Variants in TECRL observed in about 807,000 individuals in gnomAD.
TECRL encodes the protein trans-2,3-enoyl-CoA reductase like.
TECRL carries 63 observed loss-of-function variants against 52.8 expected under a neutral mutation model. That is an observed-to-expected ratio of 1.19 (90% CI 0.97 to 1.47). TECRL has a LOEUF of 1.47. Ranked by LOEUF, TECRL falls within the 40% of genes most tolerant of loss-of-function variation. TECRL has a pLI of 0.00. For missense variants in TECRL, 482 were observed against 429.6 expected (o/e 1.12, Z -1.08); for synonymous variants, 164 against 141.9 (o/e 1.16, Z -1.10).
chr4:64,350,079 G>A (rs1323279498), intron 2 of TECRL, among the ~76,000 whole-genome samples: 1 of 139,822 alleles, frequency 7.2e-6, no homozygotes, highest in Non-Finnish European at 1.6e-5. Flanking sequence ...ACATCTGTCT[G>A]TTGACAGAAG....
At chr4:64,309,674 AG>A (rs1266974350) in intron 6 of TECRL, 151 bp downstream of exon 6, 10 of 647,676 alleles carry the variant, frequency 1.5e-5, no homozygotes, top group Non-Finnish European at 2.2e-5. Flanking sequence ...TCACGCAAAA[AG>A]AATGACATTT....
At chr4:64,391,448 AG>A (rs775676535) in intron 1 of TECRL, among the ~76,000 whole-genome samples, 2 of 151,904 alleles carry the variant, frequency 1.3e-5, no homozygotes, top group Non-Finnish European at 2.9e-5. Flanking sequence ...TTAAATGACC[AG>A]AACTGAGTCC....
rs139955852 is a variant in TECRL at position 64,341,459 on chromosome 4, G to T, written c.287-12903C>A. Among the ~76,000 whole-genome samples the T allele has an allele frequency of 6.3e-3, 962 of 152,168 alleles. 8 individuals carry two copies. The highest frequency in any genetic ancestry group is 0.022 in the African/African-American group (911 of 41,514). On this transcript the variant is annotated intron_variant, in intron 2 of 11. Transcript: ENST00000381210. ...TACTAAAAATACAAAAATTAGCTGG[G>T]GGTGGTGGCACATTCCTGTAATCTC...
intron 7 of TECRL, among the ~76,000 whole-genome samples, chr4:64,303,547 A>C (rs948715238): frequency 1.3e-5 from 2 of 151,768 alleles, no homozygotes; most frequent in African/African-American, 4.8e-5. Flanking sequence ...TTGCTGAGTA[A>C]ATTTGGAAAA....
intron 1 of TECRL, among the ~76,000 whole-genome samples, chr4:64,395,200 G>A (rs900233694): frequency 2.0e-5 from 3 of 152,078 alleles, no homozygotes; most frequent in Admixed American, 6.6e-5. Context: ...GATTACAGAC[G>A]TAAGCCACCG....
intron 2 of TECRL, among the ~76,000 whole-genome samples, chr4:64,347,958 C>A (rs1292432112): frequency 1.3e-5 from 2 of 152,164 alleles, no homozygotes; most frequent in Non-Finnish European, 2.9e-5. Context: ...TTCAAACTTT[C>A]TCACATCTTC....
intron 2 of TECRL, among the ~76,000 whole-genome samples, chr4:64,353,751 A>G (rs1485223158): frequency 6.6e-6 from 1 of 152,112 alleles, no homozygotes; most frequent in East Asian, 1.9e-4. Flanking sequence ...CAGTTATTTT[A>G]CACCATGATA....
At chr4:64,313,476 C>CTTTTTTTTTTTTTTTT (rs565143298) in intron 5 of TECRL, among the ~76,000 whole-genome samples, 1 of 66,320 alleles carries the variant, frequency 1.5e-5, no homozygotes, top group African/African-American at 5.3e-5. Context: ...TGCCTTACTC[C>CTTTTTTTTTTTTTTTT]TTTTTTTTTT....
intron 2 of TECRL, among the ~76,000 whole-genome samples, chr4:64,340,103 T>A (rs1719446122): frequency 1.3e-5 from 2 of 152,192 alleles, no homozygotes; most frequent in African/African-American, 4.8e-5. Flanking sequence ...CTGTAGAGGC[T>A]GTTGCCATCA....
chr4:64,332,029 A>G (rs992150307), intron 2 of TECRL, among the ~76,000 whole-genome samples: 20 of 152,154 alleles, frequency 1.3e-4, no homozygotes, highest in African/African-American at 4.8e-4. Flanking sequence ...ATCTCCACAG[A>G]GTGGTTAAGA....
intron 2 of TECRL, among the ~76,000 whole-genome samples, chr4:64,342,491 T>C (rs28542379): frequency 0.03 from 4,520 of 152,004 alleles, 107 homozygotes; most frequent in African/African-American, 0.065. Flanking sequence ...ACCATGATTT[T>C]AGTTAAATGT....
chr4:64,385,883 T>C (rs1187772908), intron 1 of TECRL, among the ~76,000 whole-genome samples: 1 of 152,176 alleles, frequency 6.6e-6, no homozygotes, highest in Admixed American at 6.5e-5. Context: ...TGGGAAACTC[T>C]TGCTTACCTT....
At chr4:64,378,049 C>A (rs537983868) in intron 1 of TECRL, among the ~76,000 whole-genome samples, 1 of 151,968 alleles carries the variant, frequency 6.6e-6, no homozygotes, top group African/African-American at 2.4e-5. Flanking sequence ...AGTAAAAGTA[C>A]AGAAATAAAA....
intron 2 of TECRL, among the ~76,000 whole-genome samples, chr4:64,355,274 C>T (rs9998621): frequency 0.66 from 100,783 of 151,886 alleles, 34,785 homozygotes; most frequent in Non-Finnish European, 0.76. Flanking sequence ...AAAATTAAAA[C>T]GAAATTAGAT....
At chr4:64,346,134 G>C (rs1381222386) in intron 2 of TECRL, among the ~76,000 whole-genome samples, 1 of 152,026 alleles carries the variant, frequency 6.6e-6, no homozygotes, top group African/African-American at 2.4e-5. Flanking sequence ...CATCTCATTA[G>C]ATGTTGTTAT....
intron 2 of TECRL, among the ~76,000 whole-genome samples, chr4:64,348,862 C>T (rs1230954358): frequency 6.6e-6 from 1 of 152,068 alleles, no homozygotes. Context: ...GGGAAAATAT[C>T]CAATGTCCAC....
rs1309301885 is a variant in TECRL, at chr4:64,338,022, C to T, written c.287-9466G>A. Among the ~76,000 whole-genome samples, 6 of 152,154 alleles carry T rather than the reference C, an allele frequency of 3.9e-5. No individual in the cohort carries two copies. In the East Asian group the frequency reaches 9.6e-4, roughly 24 times the overall value. On this transcript the variant is annotated intron_variant, in intron 2 of 11. Transcript: ENST00000381210. ...AAGCTGGAGGCATCATGCTACCTGA[C>T]TTCAAACAATACTATAAGGCTACAA...
chr4:64,351,732 A>C (rs1684264072), intron 2 of TECRL, among the ~76,000 whole-genome samples: 1 of 152,246 alleles, frequency 6.6e-6, no homozygotes, highest in Admixed American at 6.5e-5. Context: ...ATTGATAAAA[A>C]AGATTTTAAA....
intron 2 of TECRL, among the ~76,000 whole-genome samples, chr4:64,344,168 T>C (rs1277727794): frequency 6.6e-6 from 1 of 151,874 alleles, no homozygotes; most frequent in African/African-American, 2.4e-5. Context: ...TATATATATA[T>C]ACTCACACAT....
Sources: gnomAD v4.1 joint callset for allele counts (sites outside exome capture counted in the v4.1 genomes callset) on GRCh38, gnomAD v4.1.1 for gene constraint, MANE v1.5 for transcripts, NCBI Gene and HGNC (gene_info 2026-07-23, HGNC 2026-07-21) for gene names.